The following TRPS1 variants were observed in gnomAD, a reference collection of about 807,000 sequenced individuals.
TRPS1 encodes the protein transcriptional repressor GATA binding 1.
Under a neutral mutation model 101.2 loss-of-function variants are expected in TRPS1, and 6 were observed. The observed-to-expected ratio is 0.06, with a 90% CI of 0.03 to 0.12. TRPS1 has a LOEUF of 0.12. TRPS1 is among the 10% of genes least tolerant of loss of function. TRPS1 has a pLI of 1.00. For missense variants in TRPS1, 1,363 were observed against 1,567.0 expected (o/e 0.87, Z 2.20); for synonymous variants, 578 against 589.8 (o/e 0.98, Z 0.29).
intron 5 of TRPS1, among the ~76,000 whole-genome samples, chr8:115,585,081 A>G (rs1817534277): frequency 6.6e-6 from 1 of 152,178 alleles, no homozygotes; most frequent in South Asian, 2.1e-4. Flanking sequence ...AAGATAATAA[A>G]TCATAGGGTT....
rs538742491 is a variant in TRPS1 at position 115,535,396 on chromosome 8, G to A, written c.2700+51605C>T. ...AGCATATATATAGCACATATATAGC[G>A]CATATATATAGCATATATAGTGCAT... is the stretch of plus-strand genomic sequence containing the variant. On this transcript the variant is annotated intron_variant, in intron 5 of 6. Transcript: ENST00000395715. Among the ~76,000 whole-genome samples the A allele has an allele frequency of 4.5e-4, 66 of 146,638 alleles. 1 individual carries two copies. The highest frequency in any genetic ancestry group is 1.3e-3 in the African/African-American group (52 of 40,110).
chr8:115,471,769 A>G (rs1008750104), intron 5 of TRPS1, among the ~76,000 whole-genome samples: 2 of 152,234 alleles, frequency 1.3e-5, no homozygotes, highest in Non-Finnish European at 2.9e-5. Context: ...TCAAAATGGA[A>G]GAAATTGGCC....
At chr8:115,620,102 A>G (rs1358067329) in intron 2 of TRPS1, 42 bp from the exon 3 acceptor site, 1 of 1,586,684 alleles carries the variant, frequency 6.3e-7, no homozygotes, top group Non-Finnish European at 8.6e-7. Context: ...TGTTATCTGA[A>G]AGTTACAGAG....
At chr8:115,666,558 C>G (rs990873196) in intron 1 of TRPS1, among the ~76,000 whole-genome samples, 2 of 152,160 alleles carry the variant, frequency 1.3e-5, no homozygotes, top group Non-Finnish European at 2.9e-5. Context: ...CTCATTTTGT[C>G]CACGTCAAGA....
chr8:115,633,111 G>C (rs1452553356), intron 1 of TRPS1, among the ~76,000 whole-genome samples: 1 of 152,068 alleles, frequency 6.6e-6, no homozygotes, highest in Non-Finnish European at 1.5e-5. Flanking sequence ...GAGTGGAATG[G>C]GTCATTGACG....
intron 3 of TRPS1, among the ~76,000 whole-genome samples, chr8:115,618,841 A>G (rs1308145229): frequency 6.6e-6 from 1 of 152,212 alleles, no homozygotes; most frequent in Non-Finnish European, 1.5e-5. Flanking sequence ...TGAAAACATC[A>G]AATTACCATG....
intron 5 of TRPS1, among the ~76,000 whole-genome samples, chr8:115,504,888 C>A (rs945167852): frequency 2.0e-5 from 3 of 152,102 alleles, no homozygotes; most frequent in Non-Finnish European, 4.4e-5. Flanking sequence ...AAATATCTGA[C>A]TGTAACACCA....
intron 1 of TRPS1, among the ~76,000 whole-genome samples, chr8:115,638,770 C>A (rs1018713981): frequency 1.3e-5 from 2 of 152,094 alleles, no homozygotes; most frequent in Admixed American, 1.3e-4. Flanking sequence ...TCTTTACTTT[C>A]TTAATTCCCA....
At chr8:115,648,706 C>G (rs1811488499) in intron 1 of TRPS1, among the ~76,000 whole-genome samples, 1 of 150,198 alleles carries the variant, frequency 6.7e-6, no homozygotes, top group Non-Finnish European at 1.5e-5. Flanking sequence ...TTTTATTTCT[C>G]TCGCTACACT....
intron 5 of TRPS1, among the ~76,000 whole-genome samples, chr8:115,580,690 T>A (rs541874268): frequency 3.9e-5 from 6 of 152,310 alleles, no homozygotes; most frequent in African/African-American, 1.4e-4. Context: ...TACATCTGCT[T>A]CACCTGCTTT....
rs1171012454 is a variant in TRPS1 at position 115,410,223 on chromosome 8, AT to A, written c.*3799del. 1 of 152,316 alleles carries A rather than the reference AT, an allele frequency of 6.6e-6. No homozygotes were observed. 9.4% of individuals were successfully genotyped at this position (152,316 alleles called of 1,614,324 possible). A position where few individuals can be genotyped will look rare whatever the true frequency, so the allele number is the denominator to read the frequency against. On this transcript the variant is annotated 3_prime_UTR_variant, in exon 7 of 7. Transcript: ENST00000395715. ...CTCTTCAGTTTATTAAGAAAAATGT[AT>A]TTCCTCAGGCATTTTAAAATATATA...
At chr8:115,465,393 C>A (rs951306843) in intron 5 of TRPS1, among the ~76,000 whole-genome samples, 19 of 151,922 alleles carry the variant, frequency 1.3e-4, no homozygotes, top group Admixed American at 1.1e-3. Context: ...TCTGCCTTGG[C>A]CAACAGGAAA....
At chr8:115,545,308 A>T (rs989972928) in intron 5 of TRPS1, among the ~76,000 whole-genome samples, 3 of 152,188 alleles carry the variant, frequency 2.0e-5, no homozygotes, top group Middle Eastern at 3.2e-3. Context: ...CAGTGTGGTA[A>T]CCTATCTAAT....
At chr8:115,573,170 T>C (rs1356460524) in intron 5 of TRPS1, among the ~76,000 whole-genome samples, 1 of 152,052 alleles carries the variant, frequency 6.6e-6, no homozygotes, top group Non-Finnish European at 1.5e-5. Flanking sequence ...GTGTGAACTT[T>C]GAAGCCAGGC....
chr8:115,473,935 G>T (rs1814534948), intron 5 of TRPS1, among the ~76,000 whole-genome samples: 1 of 152,162 alleles, frequency 6.6e-6, no homozygotes, highest in South Asian at 2.1e-4. Context: ...GCCCTAAGGA[G>T]TTCTTCAGTT....
chr8:115,416,460 A>T (rs1213294476), intron 6 of TRPS1, among the ~76,000 whole-genome samples: 1 of 150,190 alleles, frequency 6.7e-6, no homozygotes, highest in Non-Finnish European at 1.5e-5. Context: ...GACTATAAAT[A>T]TAATTTATAA....
At chr8:115,612,683 G>A (rs569730543) in intron 3 of TRPS1, among the ~76,000 whole-genome samples, 26 of 152,300 alleles carry the variant, frequency 1.7e-4, no homozygotes, top group African/African-American at 4.3e-4. Context: ...AAGGATGCAG[G>A]CATTCTTTAA....
chr8:115,475,057 G>T (rs1189335756), intron 5 of TRPS1, among the ~76,000 whole-genome samples: 1 of 151,800 alleles, frequency 6.6e-6, no homozygotes, highest in Non-Finnish European at 1.5e-5. Flanking sequence ...AGCTCTAAGT[G>T]CATAAAACAG....
intron 5 of TRPS1, among the ~76,000 whole-genome samples, chr8:115,548,284 G>A (rs1816624806): frequency 6.6e-6 from 1 of 151,958 alleles, no homozygotes; most frequent in Non-Finnish European, 1.5e-5. Flanking sequence ...TTTAATTGTG[G>A]GCATTTTAGA....
Sources: allele counts gnomAD v4.1 joint callset (sites outside exome capture counted in the v4.1 genomes callset), GRCh38; gene constraint gnomAD v4.1.1; transcripts MANE v1.5; gene names NCBI Gene and HGNC (gene_info 2026-07-23, HGNC 2026-07-21).